CMKLR2: variants seen among roughly 807,000 people sequenced by gnomAD.
The protein encoded by CMKLR2 is chemerin-like receptor 2.
CMKLR2 carries 18 observed loss-of-function variants against 23.0 expected under a neutral mutation model. The ratio of observed to expected loss-of-function variants is 0.78; its 90% CI spans 0.54 to 1.16. The LOEUF is 1.16. CMKLR2 is among the 50% of genes most tolerant of loss of function. The pLI is 0.00. For synonymous variants in CMKLR2, 158 were observed against 158.9 expected, an observed-to-expected ratio of 0.99 and a Z score of 0.05; for missense variants, 401 against 412.7, an observed-to-expected ratio of 0.97 and a Z score of 0.25.
intron 1 of CMKLR2, among the ~76,000 whole-genome samples, chr2:206,179,044 G>A (rs186239794): frequency 0.034 from 3,713 of 110,124 alleles, 201 homozygotes; most frequent in African/African-American, 0.11. Flanking sequence ...TTTTGTGCCC[G>A]CTCCCTGTCC....
upstream of CMKLR2, among the ~76,000 whole-genome samples, chr2:206,214,066 CT>C (rs1689665559): frequency 1.3e-5 from 2 of 151,906 alleles, no homozygotes; most frequent in South Asian, 4.2e-4. Flanking sequence ...GTTGGCCCGG[CT>C]AGTCTTGAAT....
At chr2:206,195,060 A>G (rs1004054922) in intron 1 of CMKLR2, among the ~76,000 whole-genome samples, 1 of 152,118 alleles carries the variant, frequency 6.6e-6, no homozygotes, top group African/African-American at 2.4e-5. Flanking sequence ...CCGACGCATC[A>G]TAGACATTTT....
chr2:206,185,237 TCAGC>T (rs1466544655), intron 1 of CMKLR2, among the ~76,000 whole-genome samples: 1 of 152,216 alleles, frequency 6.6e-6, no homozygotes, highest in African/African-American at 2.4e-5. Flanking sequence ...TCTGCCCACC[TCAGC>T]ATCCCAAATG....
intron 1 of CMKLR2, among the ~76,000 whole-genome samples, chr2:206,194,457 G>C (rs982621605): frequency 4.2e-5 from 6 of 143,718 alleles, no homozygotes; most frequent in Non-Finnish European, 9.1e-5. Flanking sequence ...TTCGTTATGG[G>C]CTTTTTTTTT....
In CMKLR2 at chr2:206,175,570, T is replaced by A. The variant is rs961979494; in HGVS notation, c.*610A>T. On this transcript the variant is annotated 3_prime_UTR_variant, in exon 2 of 2. Coordinates refer to ENST00000621141, the MANE Select transcript of CMKLR2 (RefSeq NM_001389445.1). Reference sequence around the variant, plus strand: ...TGGAGTGCAATGGTGTGATGTTGGCTCACCACAACCTCTGCCTCCCAGGTT... The same window carrying A: ...TGGAGTGCAATGGTGTGATGTTGGCACACCACAACCTCTGCCTCCCAGGTT... The A allele has an allele frequency of 6.6e-6, 1 of 152,266 alleles. No homozygotes were observed. The highest frequency in any genetic ancestry group is 1.5e-5 in the Non-Finnish European group (1 of 68,074). The allele number at this position is 152,266 out of a possible 1,614,324, so 9.4% of individuals were successfully genotyped here.
intron 1 of CMKLR2, among the ~76,000 whole-genome samples, chr2:206,202,987 C>A (rs913354231): frequency 6.6e-6 from 1 of 151,874 alleles, no homozygotes; most frequent in African/African-American, 2.4e-5. Context: ...CTGTTTTGGC[C>A]CCCTTTGTAG....
intron 1 of CMKLR2, among the ~76,000 whole-genome samples, chr2:206,184,946 A>G (rs780844203): frequency 1.6e-4 from 24 of 152,338 alleles, no homozygotes; most frequent in Non-Finnish European, 3.1e-4. Flanking sequence ...AGATGAAAAA[A>G]TTGAAAAGGA....
intron 1 of CMKLR2, among the ~76,000 whole-genome samples, chr2:206,182,827 C>A (rs1405332166): frequency 6.6e-6 from 1 of 152,140 alleles, no homozygotes; most frequent in African/African-American, 2.4e-5. Context: ...ACCTTCTTGG[C>A]CAGGCTGGTC....
In CMKLR2 at chr2:206,194,744, CTTTTTTTTTT is replaced by C. The variant is rs745647131; in HGVS notation, c.-28-17479_-28-17470del. ...AGCCACCACACTGGGCCATCATAGACTTTTTTTTTTTTTTTTTTTTTTTTTTTGAGACGGA... is the reference window on the plus strand; with the variant it reads ...AGCCACCACACTGGGCCATCATAGACTTTTTTTTTTTTTTTTTGAGACGGA... On this transcript the variant is annotated intron_variant, in intron 1 of 1. Transcript: ENST00000621141. 1.2e-4 allele frequency among the ~76,000 whole-genome samples: 9 copies of C among 76,870 alleles called. No homozygotes were observed. The East Asian group carries it at 2.0e-3, about 17-fold the overall frequency. 50.4% of individuals were successfully genotyped at this position (76,870 alleles called of 152,430 possible).
chr2:206,184,636 G>A (rs1335246748), intron 1 of CMKLR2, among the ~76,000 whole-genome samples: 2 of 152,026 alleles, frequency 1.3e-5, no homozygotes, highest in Non-Finnish European at 1.5e-5. Flanking sequence ...AGGTAATGGG[G>A]GTTAGGACTT....
chr2:206,210,058 G>A (rs568848360), intron 1 of CMKLR2, among the ~76,000 whole-genome samples: 2 of 151,230 alleles, frequency 1.3e-5, no homozygotes, highest in Non-Finnish European at 2.9e-5. Context: ...CTGCCTCCCA[G>A]GTTCAAGCAA....
upstream of CMKLR2, chr2:206,217,295 C>G (rs1034954338): frequency 6.6e-6 from 1 of 152,178 alleles, no homozygotes; most frequent in South Asian, 2.1e-4. Flanking sequence ...ACTTAGGAGG[C>G]CCTTACTTGG....
chr2:206,210,574 T>G (rs566452137), intron 1 of CMKLR2, among the ~76,000 whole-genome samples: 48 of 152,102 alleles, frequency 3.2e-4, no homozygotes, highest in African/African-American at 1.1e-3. Flanking sequence ...TTCTCCTGCC[T>G]CAGCTTCCCA....
intron 1 of CMKLR2, among the ~76,000 whole-genome samples, chr2:206,199,075 C>T (rs1689007629): frequency 6.6e-6 from 1 of 152,128 alleles, no homozygotes; most frequent in African/African-American, 2.4e-5. Context: ...AGCCCAAACC[C>T]CCTTTTCTTT....
chr2:206,177,579 GT>G (rs750646551), intron 1 of CMKLR2, among the ~76,000 whole-genome samples: 32 of 151,982 alleles, frequency 2.1e-4, no homozygotes, highest in Admixed American at 1.6e-3. Flanking sequence ...TAGAGATGAG[GT>G]CTCACTATGT....
rs1358041749 is a variant in CMKLR2 at position 206,176,363 on chromosome 2, G to A, written c.885C>T (p.Leu295=). 2 of 1,614,126 alleles carry A rather than the reference G, an allele frequency of 1.2e-6. No individual in the cohort carries two copies. Among genetic ancestry groups the A allele is most frequent in the Non-Finnish European group, 1.7e-6 (2 of 1,180,028 alleles). The change falls in exon 2 of 2, where the codon CTC becomes CTT. Residue 295 remains leucine, a synonymous_variant. Transcript: ENST00000621141. ...AAAGGATGGGGTTCAAGCAACTATTGAGGAATGCCAAACCAGTGGAGAGGG... is the reference window on the plus strand; with the variant it reads ...AAAGGATGGGGTTCAAGCAACTATTAAGGAATGCCAAACCAGTGGAGAGGG... ...GIPLSTGLAF[L]NSCLNPILYV...
intron 1 of CMKLR2, among the ~76,000 whole-genome samples, chr2:206,187,534 G>A (rs1182712432): frequency 6.6e-6 from 1 of 152,152 alleles, no homozygotes; most frequent in Non-Finnish European, 1.5e-5. Context: ...GAGCATTTCT[G>A]CCGACTTAAA....
chr2:206,198,848 G>A (rs1280982835), intron 1 of CMKLR2, among the ~76,000 whole-genome samples: 1 of 152,094 alleles, frequency 6.6e-6, no homozygotes, highest in Non-Finnish European at 1.5e-5. Context: ...TAATCATCCT[G>A]CCTTTGGGGA....
intron 1 of CMKLR2, among the ~76,000 whole-genome samples, chr2:206,196,558 G>A (rs190246100): frequency 6.6e-6 from 1 of 152,268 alleles, no homozygotes; most frequent in East Asian, 1.9e-4. Context: ...CTTGATAGGA[G>A]GAAGCCCAGA....
Sources: allele counts gnomAD v4.1 joint callset (sites outside exome capture counted in the v4.1 genomes callset), GRCh38; gene constraint gnomAD v4.1.1; transcripts MANE v1.5; gene names NCBI Gene and HGNC (gene_info 2026-07-23, HGNC 2026-07-21).